The following CDS1 variants were observed in gnomAD, a reference collection of about 807,000 sequenced individuals.
CDS1 encodes CDP-diacylglycerol synthase 1.
A neutral mutation model predicts 62.1 loss-of-function variants in CDS1; 41 were observed. The observed-to-expected ratio is 0.66, with a 90% CI of 0.51 to 0.86. CDS1 has a LOEUF of 0.86. Ranked by LOEUF, CDS1 falls within the 40% of genes least tolerant of loss-of-function variation. CDS1 has a pLI of 0.00. For missense variants in CDS1, 470 were observed against 550.1 expected (o/e 0.85, Z 1.46); for synonymous variants, 185 against 192.6 (o/e 0.96, Z 0.32).
chr4:84,635,281 C>A lies in CDS1; in HGVS notation c.740C>A (p.Ser247Ter). 2.0e-6 allele frequency: 3 copies of A among 1,524,084 alleles called. No individual in the cohort carries two copies. The highest frequency in any genetic ancestry group is 2.7e-6 in the Non-Finnish European group (3 of 1,118,956). 94.4% of individuals were successfully genotyped at this position (1,524,084 alleles called of 1,614,324 possible). A position where few individuals can be genotyped will look rare whatever the true frequency, so the allele number is the denominator to read the frequency against. ...EGMIWFLVPI[S>*]SVICNDITAY... ...AAAAACAGGTTCCTTGTTCCAATAT[C>A]AAGTGTTATCTGCAATGACATAACT... The change falls in exon 8 of 13, where the codon TCA becomes TAA. Residue 247 changes from serine to a stop codon, truncating the protein, a stop_gained. Transcript: ENST00000295887. LOFTEE classifies it high-confidence loss of function.
In CDS1 at chr4:84,590,922, A is replaced by C. The variant is rs115249282; in HGVS notation, c.117+7404A>C. Among the ~76,000 whole-genome samples, 415 of 152,318 alleles carry C rather than the reference A, an allele frequency of 2.7e-3. 4 individuals carry two copies. The highest frequency in any genetic ancestry group is 9.5e-3 in the African/African-American group (393 of 41,572). On this transcript the variant is annotated intron_variant, in intron 1 of 12. Transcript: ENST00000295887. ...GTATCAGTCCAGAGCCAACATAGCA[A>C]GTGGCTCGAAGAGGTAATTGTTTAG... is the stretch of plus-strand genomic sequence containing the variant.
chr4:84,591,866 T>G (rs1478698746), intron 1 of CDS1, among the ~76,000 whole-genome samples: 1 of 152,204 alleles, frequency 6.6e-6, no homozygotes, highest in Non-Finnish European at 1.5e-5. Flanking sequence ...TTGTGTGACT[T>G]TGGACTAATT....
chr4:84,634,931 A>T (rs1202914705), intron 7 of CDS1, among the ~76,000 whole-genome samples: 1 of 152,188 alleles, frequency 6.6e-6, no homozygotes, highest in African/African-American at 2.4e-5. Context: ...TTTTCTTAAG[A>T]TTAGCTTTCA....
intron 9 of CDS1, among the ~76,000 whole-genome samples, chr4:84,640,631 T>C (rs1578053693): frequency 6.6e-6 from 1 of 152,288 alleles, no homozygotes; most frequent in South Asian, 2.1e-4. Flanking sequence ...AAAAAAACTT[T>C]TTTTTTCTAA....
At chr4:84,635,201 A>G (rs1475025515) in intron 7 of CDS1, 63 bp from the exon 8 acceptor site, 22 of 788,650 alleles carry the variant, frequency 2.8e-5, no homozygotes, top group Non-Finnish European at 4.2e-5. Context: ...ACCTTTCCGA[A>G]TATCTGCCAC....
intron 5 of CDS1, among the ~76,000 whole-genome samples, chr4:84,622,993 A>G (rs1350846499): frequency 6.6e-6 from 1 of 152,152 alleles, no homozygotes; most frequent in African/African-American, 2.4e-5. Context: ...ATATTTGCTA[A>G]TTTCAGTGTA....
At chr4:84,630,241 ATCTC>A (rs141056789) in intron 5 of CDS1, among the ~76,000 whole-genome samples, 3 of 151,980 alleles carry the variant, frequency 2.0e-5, no homozygotes, top group South Asian at 4.2e-4. Context: ...ATGTTTTAGT[ATCTC>A]TCTCTCTCTC....
chr4:84,614,453 CTTT>C (rs534170569), intron 3 of CDS1, among the ~76,000 whole-genome samples: 77 of 151,910 alleles, frequency 5.1e-4, no homozygotes, highest in African/African-American at 1.8e-3. Flanking sequence ...AGGTTATGTT[CTTT>C]TTTTTATTGT....
At position 84,643,851 on chromosome 4, in the gene CDS1, C is replaced by G. The variant is rs150559798; in HGVS notation, c.1152+708C>G. Among the ~76,000 whole-genome samples, 748 of 152,316 alleles carry G rather than the reference C, an allele frequency of 4.9e-3. 3 individuals carry two copies. The highest frequency in any genetic ancestry group is 0.017 in the African/African-American group (695 of 41,562). On this transcript the variant is annotated intron_variant, in intron 11 of 12. Coordinates refer to ENST00000295887, the MANE Select transcript of CDS1 (RefSeq NM_001263.4). ...TGTTATCTCAGCAATTTCATCTCAG[C>G]TTCCCTCACATGGCTGAGGCACCAT...
intron 9 of CDS1, among the ~76,000 whole-genome samples, chr4:84,640,581 A>G (rs571087473): frequency 6.6e-6 from 1 of 152,198 alleles, no homozygotes; most frequent in South Asian, 2.1e-4. Flanking sequence ...CCTGTACCGT[A>G]TAATTGTGAT....
At chr4:84,643,214 T>C in intron 11 of CDS1, 71 bp downstream of exon 11, 1 of 1,507,152 alleles carries the variant, frequency 6.6e-7, no homozygotes, top group South Asian at 1.2e-5. Context: ...TGGAATTTGG[T>C]CCGCTCATGA....
At chr4:84,644,367 A>G (rs1044303493) in intron 11 of CDS1, among the ~76,000 whole-genome samples, 2 of 152,172 alleles carry the variant, frequency 1.3e-5, no homozygotes, top group South Asian at 2.1e-4. Flanking sequence ...TTTGACTAGT[A>G]AGGAAGAGAA....
At chr4:84,635,834 G>T (rs1405754695) in intron 8 of CDS1, among the ~76,000 whole-genome samples, 1 of 150,030 alleles carries the variant, frequency 6.7e-6, no homozygotes, top group Admixed American at 6.7e-5. Context: ...ATGGCTCACT[G>T]CAGCTTCCAC....
At chr4:84,608,329 A>G (rs1363229530) in intron 2 of CDS1, among the ~76,000 whole-genome samples, 1 of 152,070 alleles carries the variant, frequency 6.6e-6, no homozygotes, top group East Asian at 1.9e-4. Context: ...GCCCACCACT[A>G]TGCCCGGCTA....
chr4:84,644,331 A>G (rs2148661298), intron 11 of CDS1, among the ~76,000 whole-genome samples: 1 of 152,342 alleles, frequency 6.6e-6, no homozygotes, highest in African/African-American at 2.4e-5. Context: ...GCAGAGTGGC[A>G]TTGAGTTACT....
intron 2 of CDS1, among the ~76,000 whole-genome samples, chr4:84,607,814 C>T (rs1313364240): frequency 1.3e-5 from 2 of 152,104 alleles, no homozygotes; most frequent in African/African-American, 4.8e-5. Flanking sequence ...GAATCAAAAT[C>T]TCTTGTAACA....
chr4:84,609,838 G>A (rs537305385), intron 3 of CDS1, among the ~76,000 whole-genome samples: 20 of 152,174 alleles, frequency 1.3e-4, no homozygotes, highest in African/African-American at 4.8e-4. Context: ...ACACAAGCCT[G>A]AGACCTCGTC....
chr4:84,636,362 G>A (rs1724211589), intron 8 of CDS1, among the ~76,000 whole-genome samples: 2 of 152,110 alleles, frequency 1.3e-5, no homozygotes, highest in African/African-American at 2.4e-5. Flanking sequence ...AGACCATGTT[G>A]TTTTGCTATA....
In CDS1 at chr4:84,641,318, G is replaced by A. The variant is rs184391042; in HGVS notation, c.1032+328G>A. 7.2e-5 allele frequency among the ~76,000 whole-genome samples: 11 copies of A among 152,212 alleles called. No homozygotes were observed. The East Asian group carries it at 1.5e-3, about 21-fold the overall frequency. On this transcript the variant is annotated intron_variant, in intron 10 of 12. Coordinates refer to ENST00000295887, the MANE Select transcript of CDS1 (RefSeq NM_001263.4). ...TGGTCTCAAGTGATCCGCCTGCTTC[G>A]GCTTCCCAAGGTGCTGGGATTACAA...
Sources: allele counts gnomAD v4.1 joint callset (sites outside exome capture counted in the v4.1 genomes callset), GRCh38; gene constraint gnomAD v4.1.1; transcripts MANE v1.5; gene names NCBI Gene and HGNC (gene_info 2026-07-23, HGNC 2026-07-21).